The following KDM7A variants were observed in gnomAD, a reference collection of about 807,000 sequenced individuals.
KDM7A encodes lysine-specific demethylase 7A.
Under a neutral mutation model 114.8 loss-of-function variants are expected in KDM7A, and 28 were observed. That is an observed-to-expected ratio of 0.24 (90% CI 0.18 to 0.33). KDM7A has a LOEUF of 0.33. Among genes scored for constraint, KDM7A ranks in the 10% least tolerant of loss-of-function variants. KDM7A has a pLI of 1.00. For synonymous variants in KDM7A, 423 were observed against 397.8 expected, an observed-to-expected ratio of 1.06 and a Z score of -0.75; for missense variants, 942 against 1,142.5, an observed-to-expected ratio of 0.82 and a Z score of 2.53.
intron 1 of KDM7A, among the ~76,000 whole-genome samples, chr7:140,167,688 A>AT (rs2116856877): frequency 6.6e-6 from 1 of 152,232 alleles, no homozygotes; most frequent in Non-Finnish European, 1.5e-5. Flanking sequence ...AAACACAGGA[A>AT]AAAATTCTCT....
At chr7:140,095,649 A>G in intron 17 of KDM7A, 1 of 285,174 alleles carries the variant, frequency 3.5e-6, no homozygotes, top group Non-Finnish European at 7.2e-6. Context: ...AAGCAGAGGC[A>G]GGAGGATCAC....
At chr7:140,103,722 T>C (rs62491385) in intron 11 of KDM7A, among the ~76,000 whole-genome samples, 9,347 of 152,314 alleles carry the variant, frequency 0.061, 366 homozygotes, top group Non-Finnish European at 0.09. Context: ...GATGGACATT[T>C]GGGTTGGTTC....
At chr7:140,131,369 T>C (rs4725626) in intron 3 of KDM7A, among the ~76,000 whole-genome samples, 95,781 of 152,014 alleles carry the variant, frequency 0.63, 31,216 homozygotes, top group African/African-American at 0.81. Flanking sequence ...AAATTAAGTG[T>C]GACACTTGCC....
At chr7:140,112,560 G>A (rs188157035) in intron 10 of KDM7A, among the ~76,000 whole-genome samples, 25 of 151,762 alleles carry the variant, frequency 1.6e-4, no homozygotes, top group Admixed American at 1.4e-3. Context: ...GCAGCGAGCC[G>A]AGATCGCACC....
chr7:140,167,205 A>C (rs1794586244), intron 1 of KDM7A, among the ~76,000 whole-genome samples: 1 of 152,088 alleles, frequency 6.6e-6, no homozygotes, highest in Non-Finnish European at 1.5e-5. Context: ...CCCTAATAAA[A>C]ATCCCAACAA....
chr7:140,103,306 CTT>C (rs35185351), intron 11 of KDM7A, among the ~76,000 whole-genome samples: 4 of 148,298 alleles, frequency 2.7e-5, no homozygotes, highest in Admixed American at 6.7e-5. Flanking sequence ...TCAGCATTTC[CTT>C]TTTTTTTTTA....
intron 11 of KDM7A, among the ~76,000 whole-genome samples, chr7:140,107,959 CTTTG>C (rs936175047): frequency 4.7e-4 from 72 of 152,260 alleles, no homozygotes; most frequent in African/African-American, 1.3e-3. Context: ...TTCTTGGAGG[CTTTG>C]TTTGTTTCTT....
At chr7:140,098,827 T>C in intron 14 of KDM7A, 52 bp downstream of exon 14, 1 of 1,454,030 alleles carries the variant, frequency 6.9e-7, no homozygotes, top group Non-Finnish European at 9.5e-7. Context: ...ACTTTACATA[T>C]TATCACATTA....
chr7:140,163,751 A>C (rs905454918), intron 1 of KDM7A, among the ~76,000 whole-genome samples: 2 of 152,096 alleles, frequency 1.3e-5, no homozygotes, highest in Admixed American at 6.5e-5. Context: ...TCATCCTTTA[A>C]TAATGAGGAT....
At chr7:140,137,639 A>G (rs1439442304) in intron 2 of KDM7A, among the ~76,000 whole-genome samples, 1 of 152,178 alleles carries the variant, frequency 6.6e-6, no homozygotes, top group Non-Finnish European at 1.5e-5. Context: ...CAGTTCCCCC[A>G]ATTTGCTAAC....
At chr7:140,127,635 G>A in intron 4 of KDM7A, 52 bp from the exon 5 acceptor site, 2 of 1,441,070 alleles carry the variant, frequency 1.4e-6, no homozygotes, top group South Asian at 1.2e-5. Flanking sequence ...TACATCAGCA[G>A]ATGCTCTAAT....
chr7:140,099,915 T>C lies in KDM7A; in HGVS notation c.1747A>G (p.Asn583Asp), dbSNP rs758443737. Residue 583 changes from asparagine (N) to aspartate (D), a missense_variant, in exon 13 of 20, where the codon AAT becomes GAT. Transcript: ENST00000397560. ...TTTACATACTTAATTATTCTTCCAT[T>C]TGTCAGCAGTAATCGTAGATCATTA... ...KDNDLRLLLT[N>D]GRIIKDERQP... The C allele has an allele frequency of 1.1e-5, 18 of 1,610,348 alleles. No homozygotes were observed. Among genetic ancestry groups the C allele is most frequent in the East Asian group, 2.2e-5 (1 of 44,866 alleles).
Position 140,176,043 on chromosome 7 carries a change from G to A in KDM7A, c.194+701C>T, listed in dbSNP as rs1794701933. 6.6e-6 allele frequency among the ~76,000 whole-genome samples: 1 copy of A among 151,956 alleles called. No homozygotes were observed. Among genetic ancestry groups the A allele is most frequent in the South Asian group, 2.1e-4 (1 of 4,820 alleles). ...CCCGGGTCAACCTGCCGCCCGCCGG[G>A]GGCCCGGCCCCAACTTCCCCGGCAC... On this transcript the variant is annotated intron_variant, in intron 1 of 19. Coordinates refer to ENST00000397560, the MANE Select transcript of KDM7A (RefSeq NM_030647.2). The surrounding 1 kb of genome is among the most constrained non-coding windows in gnomAD (Gnocchi z 4.4).
At chr7:140,105,061 G>A (rs1331031278) in intron 11 of KDM7A, among the ~76,000 whole-genome samples, 3 of 152,128 alleles carry the variant, frequency 2.0e-5, no homozygotes, top group Non-Finnish European at 4.4e-5. Flanking sequence ...AATTGTGAAT[G>A]GGAGTTCACT....
intron 1 of KDM7A, among the ~76,000 whole-genome samples, chr7:140,143,277 G>A (rs558002676): frequency 6.6e-6 from 1 of 151,968 alleles, no homozygotes; most frequent in South Asian, 2.1e-4. Flanking sequence ...ACTGTTTAGG[G>A]ATAATAAAAC....
At chr7:140,151,841 A>G (rs896024132) in intron 1 of KDM7A, among the ~76,000 whole-genome samples, 2 of 152,238 alleles carry the variant, frequency 1.3e-5, no homozygotes, top group Non-Finnish European at 1.5e-5. Context: ...TCCAGCAGAC[A>G]GTTTTATTTC....
chr7:140,126,512 A>G lies in KDM7A; in HGVS notation c.888+125T>C, dbSNP rs377395774. On this transcript the variant is annotated intron_variant, in intron 6 of 19. Coordinates refer to ENST00000397560, the MANE Select transcript of KDM7A (RefSeq NM_030647.2). The stretch of plus-strand genomic sequence containing the variant: ...AGGCAAAGTGACAGTTCCTGGTTAA[A>G]AAGTAAAAAAAAAAAAAAAAACTTC... 2.0e-3 allele frequency: 987 copies of G among 487,892 alleles called. 12 individuals are homozygous for G. In the African/African-American group the frequency reaches 0.022, roughly 11 times the overall value. The allele number at this position is 487,892 out of a possible 1,614,324, so 30.2% of individuals were successfully genotyped here. A position where few individuals can be genotyped will look rare whatever the true frequency, so the allele number is the denominator to read the frequency against.
intron 1 of KDM7A, among the ~76,000 whole-genome samples, chr7:140,152,161 C>G (rs902861367): frequency 6.6e-6 from 1 of 152,130 alleles, no homozygotes; most frequent in Admixed American, 6.5e-5. Context: ...GGCCTCTCTG[C>G]TGGAACAGAA....
chr7:140,104,722 A>G (rs922526884), intron 11 of KDM7A, among the ~76,000 whole-genome samples: 1 of 152,200 alleles, frequency 6.6e-6, no homozygotes, highest in African/African-American at 2.4e-5. Flanking sequence ...GAAGTCAGGT[A>G]GCATGATGCC....
Sources: allele counts gnomAD v4.1 joint callset (sites outside exome capture counted in the v4.1 genomes callset), GRCh38; gene constraint gnomAD v4.1.1; non-coding constraint Gnocchi (gnomAD v3.1); transcripts MANE v1.5; gene names NCBI Gene and HGNC (gene_info 2026-07-23, HGNC 2026-07-21).